Variants in RBFOX3 observed in about 807,000 individuals in gnomAD.
The protein encoded by RBFOX3 is RNA binding fox-1 homolog 3.
A neutral mutation model predicts 48.7 loss-of-function variants in RBFOX3; 17 were observed. That is an observed-to-expected ratio of 0.35 (90% CI 0.24 to 0.52). The LOEUF (loss-of-function observed/expected upper bound fraction) is 0.52, where lower values mean the gene tolerates loss of function less well. Among genes scored for constraint, RBFOX3 ranks in the 20% least tolerant of loss-of-function variants. RBFOX3 has a pLI of 0.94. For synonymous variants in RBFOX3, 212 were observed against 209.5 expected, an observed-to-expected ratio of 1.01 and a Z score of -0.10; for missense variants, 382 against 497.5, an observed-to-expected ratio of 0.77 and a Z score of 2.21.
At chr17:79,661,493 C>T in the RBFOX3 span, among the ~76,000 whole-genome samples, 44 of 152,270 alleles carry the variant, frequency 2.9e-4, no homozygotes, top group South Asian at 8.3e-4. Context: ...TATTTGGCCA[C>T]ACTACTGTGT....
intron 4 of RBFOX3, among the ~76,000 whole-genome samples, chr17:79,223,918 G>A (rs1487900951): frequency 1.3e-5 from 2 of 152,174 alleles, no homozygotes; most frequent in African/African-American, 4.8e-5. Flanking sequence ...AGAGGAACAA[G>A]GCAAAGGTGT....
intron 4 of RBFOX3, among the ~76,000 whole-genome samples, chr17:79,179,272 C>T (rs1450189259): frequency 1.3e-5 from 2 of 152,360 alleles, no homozygotes; most frequent in East Asian, 3.9e-4. Flanking sequence ...CTCGGCGGAG[C>T]CTTTGGGTTC....
At chr17:79,186,307 T>C (rs2053378434) in intron 4 of RBFOX3, among the ~76,000 whole-genome samples, 1 of 152,254 alleles carries the variant, frequency 6.6e-6, no homozygotes. Flanking sequence ...TTTGGCTTAT[T>C]TCTTGGGACA....
chr17:79,549,449 C>T (rs184119353), intron 1 of RBFOX3, among the ~76,000 whole-genome samples: 3 of 152,334 alleles, frequency 2.0e-5, no homozygotes, highest in Admixed American at 6.5e-5. Flanking sequence ...AGCTTTGAGG[C>T]GGCAAAGCTA....
Position 79,242,708 on chromosome 17 carries a change from G to T in RBFOX3, c.-73-6903C>A, listed in dbSNP as rs184721713. On this transcript the variant is annotated intron_variant, in intron 3 of 14. Coordinates refer to ENST00000693108, the MANE Select transcript of RBFOX3 (RefSeq NM_001350451.2). The surrounding 1 kb of genome is among the most constrained non-coding windows in gnomAD (Gnocchi z 5.8). ...TCACAGTAGTCCCTGGAGTGGCTTTGGGTTCTGAGCACACTGCCCATACTT... is the reference window on the plus strand; with the variant it reads ...TCACAGTAGTCCCTGGAGTGGCTTTTGGTTCTGAGCACACTGCCCATACTT... Among the ~76,000 whole-genome samples, 2 of 152,258 alleles carry T rather than the reference G, an allele frequency of 1.3e-5. No homozygotes were observed. Among genetic ancestry groups the T allele is most frequent in the African/African-American group, 4.8e-5 (2 of 41,562 alleles).
At chr17:79,500,398 C>T (rs2082234295) in intron 1 of RBFOX3, among the ~76,000 whole-genome samples, 2 of 151,932 alleles carry the variant, frequency 1.3e-5, no homozygotes, top group African/African-American at 4.8e-5. Flanking sequence ...GCTGGGATTA[C>T]AGGCATGCAC....
In RBFOX3 at chr17:79,535,910, C is replaced by T. The variant is rs1200183730; in HGVS notation, c.-319-53312G>A. 6.6e-6 allele frequency among the ~76,000 whole-genome samples: 1 copy of T among 152,168 alleles called. No individual in the cohort carries two copies. The highest frequency in any genetic ancestry group is 6.5e-5 in the Admixed American group (1 of 15,282). ...CCTGCACCTCCCCCAGCCACTGCAC[C>T]CCTGCCCGTGACCAGTAGCGGCAGG... On this transcript the variant is annotated intron_variant, in intron 1 of 14. Transcript: ENST00000693108. The surrounding 1 kb of genome is among the most constrained non-coding windows in gnomAD (Gnocchi z 4.5).
chr17:79,466,008 C>T (rs562765476), intron 2 of RBFOX3, among the ~76,000 whole-genome samples: 1 of 152,348 alleles, frequency 6.6e-6, no homozygotes, highest in East Asian at 1.9e-4. Context: ...TCTCCCAGCC[C>T]AGAGGTCGTC....
Position 79,423,578 on chromosome 17 carries a change from C to T in RBFOX3, c.-175+58876G>A, listed in dbSNP as rs2066824344. Reference sequence around the variant, plus strand: ...CACACATCGTTCTCAAACGCCGCCACCTCTCCACGCTGGACACTGCCCCCT... The same window carrying T: ...CACACATCGTTCTCAAACGCCGCCATCTCTCCACGCTGGACACTGCCCCCT... On this transcript the variant is annotated intron_variant, in intron 2 of 14. Transcript: ENST00000693108. The surrounding 1 kb of genome is among the most constrained non-coding windows in gnomAD (Gnocchi z 4.9). 1 of 153,066 alleles carries T rather than the reference C, an allele frequency of 6.5e-6. No individual in the cohort carries two copies. 9.5% of individuals were successfully genotyped at this position (153,066 alleles called of 1,614,324 possible).
At chr17:79,245,684 G>GTGGCGTGATCTCAGCCCA (rs1362083480) in intron 3 of RBFOX3, among the ~76,000 whole-genome samples, 1 of 147,274 alleles carries the variant, frequency 6.8e-6, no homozygotes, top group Admixed American at 6.9e-5. Flanking sequence ...CTGGAGTGCA[G>GTGGCGTGATCTCAGCCCA]TGGCGTGATC....
intron 1 of RBFOX3, among the ~76,000 whole-genome samples, chr17:79,608,124 A>G (rs1030502178): frequency 2.0e-5 from 3 of 152,106 alleles, no homozygotes; most frequent in African/African-American, 7.2e-5. Flanking sequence ...CAGGCTGTGG[A>G]GGCCCCGGCC....
intron 4 of RBFOX3, among the ~76,000 whole-genome samples, chr17:79,186,797 G>A (rs553419290): frequency 6.6e-6 from 1 of 152,254 alleles, no homozygotes; most frequent in Non-Finnish European, 1.5e-5. Context: ...ATAAATATCA[G>A]GCAAGGGAGG....
intron 4 of RBFOX3, among the ~76,000 whole-genome samples, chr17:79,180,806 C>A (rs2051739277): frequency 6.6e-6 from 1 of 151,584 alleles, no homozygotes; most frequent in Admixed American, 6.6e-5. Context: ...CCCAGCAGAA[C>A]AGCCGCGGGC....
intron 2 of RBFOX3, among the ~76,000 whole-genome samples, chr17:79,334,619 G>C (rs1478313357): frequency 1.3e-5 from 2 of 152,208 alleles, no homozygotes; most frequent in Admixed American, 1.3e-4. Context: ...GGAGGCTCAT[G>C]GGCCAACTGG....
intron 1 of RBFOX3, among the ~76,000 whole-genome samples, chr17:79,564,247 T>C (rs1195729722): frequency 6.6e-6 from 1 of 152,220 alleles, no homozygotes; most frequent in Non-Finnish European, 1.5e-5. Context: ...CATTGAACAG[T>C]CCTTCCCTAT....
At chr17:79,589,824 C>T (rs1305777231) in intron 1 of RBFOX3, among the ~76,000 whole-genome samples, 3 of 152,170 alleles carry the variant, frequency 2.0e-5, no homozygotes, top group African/African-American at 7.2e-5. Context: ...AAGGCCCAGG[C>T]ATGCTGGGGA....
At chr17:79,458,456 T>A (rs2074897020) in intron 2 of RBFOX3, among the ~76,000 whole-genome samples, 1 of 147,310 alleles carries the variant, frequency 6.8e-6, no homozygotes. Flanking sequence ...CATCTGTGTG[T>A]GCATGCCTGT....
chr17:79,353,730 T>C (rs1041040779), intron 2 of RBFOX3, among the ~76,000 whole-genome samples: 1 of 152,126 alleles, frequency 6.6e-6, no homozygotes, highest in Non-Finnish European at 1.5e-5. Context: ...CAGTCGCGTT[T>C]GTGCACCACC....
At chr17:79,281,954 C>T (rs2070646075) in intron 3 of RBFOX3, among the ~76,000 whole-genome samples, 1 of 152,218 alleles carries the variant, frequency 6.6e-6, no homozygotes, top group African/African-American at 2.4e-5. Context: ...CCGTTAATTT[C>T]ATCATCACTG....
Sources: allele counts gnomAD v4.1 joint callset (sites outside exome capture counted in the v4.1 genomes callset), GRCh38; gene constraint gnomAD v4.1.1; non-coding constraint Gnocchi (gnomAD v3.1); transcripts MANE v1.5; gene names NCBI Gene and HGNC (gene_info 2026-07-23, HGNC 2026-07-21).